FAM110B: variants seen among roughly 807,000 people sequenced by gnomAD.
FAM110B encodes the protein family with sequence similarity 110 member B.
Under a neutral mutation model 20.4 loss-of-function variants are expected in FAM110B, and 6 were observed. That is an observed-to-expected ratio of 0.29 (90% CI 0.16 to 0.58). The LOEUF is 0.58. Among genes scored for constraint, FAM110B ranks in the 20% least tolerant of loss-of-function variants. FAM110B has a pLI of 0.90. For synonymous variants in FAM110B, 226 were observed against 214.1 expected (o/e 1.06, Z -0.49); for missense variants, 434 against 498.2 (o/e 0.87, Z 1.23).
At chr8:58,074,860 T>G (rs1805995005) in intron 2 of FAM110B, among the ~76,000 whole-genome samples, 3 of 152,128 alleles carry the variant, frequency 2.0e-5, no homozygotes, top group South Asian at 4.1e-4. Context: ...CTTTAAACTC[T>G]TATCACTCTT....
intron 3 of FAM110B, among the ~76,000 whole-genome samples, chr8:58,119,398 G>A (rs1380499370): frequency 3.3e-5 from 5 of 152,090 alleles, no homozygotes; most frequent in Non-Finnish European, 7.4e-5. Flanking sequence ...GCACACCCCC[G>A]TAAGCCTCTT....
intron 3 of FAM110B, among the ~76,000 whole-genome samples, chr8:58,126,435 A>G (rs1297217264): frequency 1.3e-5 from 2 of 152,148 alleles, no homozygotes; most frequent in African/African-American, 2.4e-5. Flanking sequence ...GCTGGGTTCT[A>G]TGGTAAGTGT....
chr8:58,121,971 G>A (rs1321190195), intron 3 of FAM110B, among the ~76,000 whole-genome samples: 1 of 152,064 alleles, frequency 6.6e-6, no homozygotes, highest in African/African-American at 2.4e-5. Context: ...CTCTTTCTTT[G>A]TAGGTTTATT....
intron 3 of FAM110B, among the ~76,000 whole-genome samples, chr8:58,142,108 G>C (rs532093335): frequency 4.3e-4 from 65 of 152,326 alleles, no homozygotes; most frequent in African/African-American, 1.5e-3. Flanking sequence ...GGCCACTTTG[G>C]TTTTAAAAAC....
At chr8:58,136,679 T>G (rs1803626224) in intron 3 of FAM110B, among the ~76,000 whole-genome samples, 1 of 152,174 alleles carries the variant, frequency 6.6e-6, no homozygotes, top group African/African-American at 2.4e-5. Flanking sequence ...CCCTCACTGA[T>G]GCAAGTTAGG....
At chr8:58,144,917 C>T (rs1803824696) in intron 3 of FAM110B, among the ~76,000 whole-genome samples, 1 of 152,152 alleles carries the variant, frequency 6.6e-6, no homozygotes, top group Non-Finnish European at 1.5e-5. Flanking sequence ...CAACTATTGA[C>T]AAGTGGGTTT....
intron 2 of FAM110B, chr8:58,070,126 G>A (rs939843720): frequency 2.6e-5 from 4 of 152,258 alleles, no homozygotes; most frequent in Non-Finnish European, 5.9e-5. Flanking sequence ...GCATGTGCTG[G>A]ATTCCGCATG....
intron 2 of FAM110B, among the ~76,000 whole-genome samples, chr8:58,068,543 A>G (rs1329889764): frequency 2.0e-5 from 3 of 152,194 alleles, no homozygotes; most frequent in Non-Finnish European, 4.4e-5. Context: ...TCCTCAGAGC[A>G]AATCATAATG....
intron 3 of FAM110B, among the ~76,000 whole-genome samples, chr8:58,077,860 G>A (rs1266966241): frequency 1.3e-5 from 2 of 152,228 alleles, no homozygotes; most frequent in Non-Finnish European, 2.9e-5. Flanking sequence ...CAGTTGGGTT[G>A]CAGGCGTAAA....
intron 3 of FAM110B, among the ~76,000 whole-genome samples, chr8:58,105,155 C>T (rs1263287537): frequency 6.6e-6 from 1 of 151,930 alleles, no homozygotes; most frequent in Non-Finnish European, 1.5e-5. Flanking sequence ...TTGCCATTTT[C>T]CTGAAATTGC....
intron 3 of FAM110B, among the ~76,000 whole-genome samples, chr8:58,120,645 A>G (rs1477061463): frequency 1.3e-5 from 2 of 152,222 alleles, no homozygotes; most frequent in Non-Finnish European, 2.9e-5. Flanking sequence ...GCAGATAAGA[A>G]TAAGAGCTCC....
At chr8:58,136,696 C>G (rs984513167) in intron 3 of FAM110B, among the ~76,000 whole-genome samples, 2 of 152,172 alleles carry the variant, frequency 1.3e-5, no homozygotes, top group Non-Finnish European at 2.9e-5. Flanking sequence ...TAGGGGCCCT[C>G]TTATAATAAC....
In FAM110B at chr8:58,092,188, G is replaced by A. The variant is rs187218327; in HGVS notation, c.-325+16565G>A. ...TATTTATTCATATTTTGCTGTTTAT[G>A]TATTATTTTTGTCTTTTAAATCTCA... On this transcript the variant is annotated intron_variant, in intron 3 of 3. Coordinates refer to ENST00000519262, the MANE Select transcript of FAM110B (RefSeq NM_001377989.1). 3.3e-5 allele frequency among the ~76,000 whole-genome samples: 5 copies of A among 152,138 alleles called. No homozygotes were observed. In the East Asian group the frequency reaches 7.7e-4, roughly 24 times the overall value.
intron 2 of FAM110B, 70 bp downstream of exon 2, chr8:58,031,773 T>C (rs1333972893): frequency 6.6e-6 from 1 of 152,242 alleles, no homozygotes; most frequent in Admixed American, 6.5e-5. Flanking sequence ...TGATCCTTTA[T>C]ATGTTGAGCA....
intron 1 of FAM110B, among the ~76,000 whole-genome samples, chr8:58,013,515 GGA>G (rs1260552416): frequency 6.6e-6 from 1 of 152,170 alleles, no homozygotes; most frequent in African/African-American, 2.4e-5. Context: ...AATCCACGAG[GGA>G]GAGTGGTGGG....
At chr8:58,079,032 G>T (rs1440382791) in intron 3 of FAM110B, among the ~76,000 whole-genome samples, 2 of 152,034 alleles carry the variant, frequency 1.3e-5, no homozygotes, top group Non-Finnish European at 2.9e-5. Context: ...AGAATGAGAG[G>T]TTTGTACCTT....
rs553654670 is a variant in FAM110B, at chr8:58,039,433, C to G, written c.-414+7730C>G. On this transcript the variant is annotated intron_variant, in intron 2 of 3. Coordinates refer to ENST00000519262, the MANE Select transcript of FAM110B (RefSeq NM_001377989.1). ...AAGAAGGCCTTTGTCTCCAGCTTCA[C>G]TTTCTTACTCTTTGCTTTTCAACTT... Among the ~76,000 whole-genome samples, 10 of 152,338 alleles carry G rather than the reference C, an allele frequency of 6.6e-5. No individual in the cohort carries two copies. In the East Asian group the frequency reaches 1.9e-3, roughly 29 times the overall value.
intron 2 of FAM110B, among the ~76,000 whole-genome samples, chr8:58,069,777 G>A (rs1805847470): frequency 6.6e-6 from 1 of 152,120 alleles, no homozygotes; most frequent in Non-Finnish European, 1.5e-5. Flanking sequence ...AGATTTTATA[G>A]CACCACTATT....
chr8:58,045,240 AT>A, intron 2 of FAM110B, among the ~76,000 whole-genome samples: 1 of 152,170 alleles, frequency 6.6e-6, no homozygotes, highest in Admixed American at 6.5e-5. Flanking sequence ...ATCAGCAGTC[AT>A]CAGGGCTGTG....
Sources: allele counts gnomAD v4.1 joint callset (sites outside exome capture counted in the v4.1 genomes callset), GRCh38; gene constraint gnomAD v4.1.1; transcripts MANE v1.5; gene names NCBI Gene and HGNC (gene_info 2026-07-23, HGNC 2026-07-21).